Variants in CELF6 observed in about 807,000 individuals in gnomAD.
CELF6 encodes the protein CUGBP Elav-like family member 6.
A neutral mutation model predicts 53.1 loss-of-function variants in CELF6; 32 were observed. The ratio of observed to expected loss-of-function variants is 0.60; its 90% CI spans 0.46 to 0.81. CELF6 has a LOEUF of 0.81. Among genes scored for constraint, CELF6 ranks in the 30% least tolerant of loss-of-function variants. The pLI is 0.00. For synonymous variants in CELF6, 291 were observed against 288.8 expected, an observed-to-expected ratio of 1.01 and a Z score of -0.08; for missense variants, 539 against 669.5, an observed-to-expected ratio of 0.81 and a Z score of 2.15.
At chr15:72,307,421 C>G (rs1051289819) in intron 2 of CELF6, among the ~76,000 whole-genome samples, 1 of 152,176 alleles carries the variant, frequency 6.6e-6, no homozygotes, top group African/African-American at 2.4e-5. Flanking sequence ...GTATGGGGAT[C>G]CTCTCTTCAT....
chr15:72,308,702 T>TTTTA (rs1358408968), intron 2 of CELF6, among the ~76,000 whole-genome samples: 5 of 152,066 alleles, frequency 3.3e-5, no homozygotes, highest in Admixed American at 1.3e-4. Context: ...TTTTAAACAT[T>TTTTA]TTTATTTATT....
chr15:72,289,490 C>T lies in CELF6; in HGVS notation c.765G>A (p.Ala255=), dbSNP rs1446226563. Residue 255 remains alanine, a synonymous_variant, in exon 7 of 13, where the codon GCG becomes GCA. Coordinates refer to ENST00000287202, the MANE Select transcript of CELF6 (RefSeq NM_052840.5). The surrounding 1 kb of genome is among the most constrained non-coding windows in gnomAD (Gnocchi z 7.6). ...AYTTAILQHQ[A]ALLAAAQGPG... ...GGCCCTGTGCCGCCGCCAGCAGGGCCGCCTGGTGCTGCAGGATCTTTGAGA... is the reference window on the plus strand; with the variant it reads ...GGCCCTGTGCCGCCGCCAGCAGGGCTGCCTGGTGCTGCAGGATCTTTGAGA... 3 of 1,524,742 alleles carry T rather than the reference C, an allele frequency of 2.0e-6. No homozygotes were observed. Among genetic ancestry groups the T allele is most frequent in the Non-Finnish European group, 2.6e-6 (3 of 1,141,866 alleles). The allele number at this position is 1,524,742 out of a possible 1,614,324, so 94.5% of individuals were successfully genotyped here.
intron 2 of CELF6, among the ~76,000 whole-genome samples, chr15:72,309,767 TCCC>T (rs1339960538): frequency 1.3e-5 from 2 of 151,520 alleles, no homozygotes; most frequent in Non-Finnish European, 2.9e-5. Context: ...TAATCAGGAG[TCCC>T]CCTTGAGGAA....
intron 2 of CELF6, among the ~76,000 whole-genome samples, chr15:72,315,034 G>C (rs182603335): frequency 6.6e-6 from 1 of 151,820 alleles, no homozygotes. Flanking sequence ...CTTCATCCTC[G>C]TCTCTTTCTT....
In CELF6 at chr15:72,285,621, C is replaced by G. The variant is rs1466301853; in HGVS notation, c.*750G>C. The G allele has an allele frequency of 1.3e-5, 2 of 152,304 alleles. No homozygotes were observed. Among genetic ancestry groups the G allele is most frequent in the Non-Finnish European group, 2.9e-5 (2 of 68,088 alleles). The allele number at this position is 152,304 out of a possible 1,614,324, so 9.4% of individuals were successfully genotyped here. ...CCACTCTTGCTGGCTAGGGGGCCTC[C>G]CGGGATGGCAAAGGCCAGGGCCAAC... is the stretch of plus-strand genomic sequence containing the variant. On this transcript the variant is annotated 3_prime_UTR_variant, in exon 13 of 13. Coordinates refer to ENST00000287202, the MANE Select transcript of CELF6 (RefSeq NM_052840.5).
Position 72,288,522 on chromosome 15 carries a change from G to A in CELF6, c.1174+16C>T, listed in dbSNP as rs768614123. 5.6e-6 allele frequency: 9 copies of A among 1,611,586 alleles called. 1 individual carries two copies. The highest frequency in any genetic ancestry group is 5.5e-5 in the South Asian group (5 of 90,864). On this transcript the variant is annotated intron_variant, in intron 10 of 12. Coordinates refer to ENST00000287202, the MANE Select transcript of CELF6 (RefSeq NM_052840.5). This position sits in a 1 kb window ranked among gnomAD's most constrained non-coding sequence, Gnocchi z 4.6. ...CAGCCCCACCAGGTTCTGCTGTCCAGCCCCCAGTCCCTCACCTTCTCTCTG... is the reference window on the plus strand; with the variant it reads ...CAGCCCCACCAGGTTCTGCTGTCCAACCCCCAGTCCCTCACCTTCTCTCTG...
intron 3 of CELF6, among the ~76,000 whole-genome samples, chr15:72,298,461 T>C (rs1595779219): frequency 6.6e-6 from 1 of 152,338 alleles, no homozygotes; most frequent in East Asian, 1.9e-4. Context: ...CCTCAGAGAA[T>C]GTTTTAAGTT....
chr15:72,315,822 A>AC (rs1482895777), intron 2 of CELF6, 23 bp downstream of exon 2: 3 of 1,542,522 alleles, frequency 1.9e-6, no homozygotes, highest in East Asian at 2.3e-5. Flanking sequence ...GGTGATTCCC[A>AC]CCCCCCAACC....
intron 2 of CELF6, among the ~76,000 whole-genome samples, chr15:72,315,240 A>G (rs1308469620): frequency 6.6e-6 from 1 of 152,170 alleles, no homozygotes; most frequent in Non-Finnish European, 1.5e-5. Context: ...ATTCTGCCAT[A>G]TGGTCAGTAG....
intron 2 of CELF6, among the ~76,000 whole-genome samples, chr15:72,315,432 A>G (rs1434427230): frequency 2.6e-5 from 4 of 152,190 alleles, no homozygotes; most frequent in Non-Finnish European, 4.4e-5. Context: ...TTACAGGAAA[A>G]GGACTAGAGA....
At chr15:72,304,628 C>G (rs2088202049) in intron 3 of CELF6, 118 bp downstream of exon 3, 1 of 872,594 alleles carries the variant, frequency 1.1e-6, no homozygotes, top group Non-Finnish European at 1.9e-6. Flanking sequence ...CTCTGAGCCC[C>G]ACCTGTCCCC....
intron 11 of CELF6, among the ~76,000 whole-genome samples, chr15:72,287,960 C>A (rs368529716): frequency 2.6e-4 from 40 of 152,166 alleles, no homozygotes; most frequent in African/African-American, 9.6e-4. Context: ...GCCTCAGCCT[C>A]CTGAGTAGCT....
At chr15:72,300,952 A>G (rs936386184) in intron 3 of CELF6, among the ~76,000 whole-genome samples, 12 of 152,132 alleles carry the variant, frequency 7.9e-5, no homozygotes, top group African/African-American at 2.9e-4. Flanking sequence ...ATTTTTAAAA[A>G]TTGAATTAGT....
chr15:72,305,730 T>G (rs1010488164), intron 2 of CELF6, among the ~76,000 whole-genome samples: 2 of 152,134 alleles, frequency 1.3e-5, no homozygotes, highest in Non-Finnish European at 2.9e-5. Context: ...GACTTAGAGC[T>G]CTGTGTCTCC....
rs183268321 is a variant in CELF6 at position 72,304,032 on chromosome 15, G to A, written c.394+714C>T. Among the ~76,000 whole-genome samples the A allele has an allele frequency of 6.6e-5, 10 of 152,016 alleles. 1 individual carries two copies. The highest frequency in any genetic ancestry group is 2.1e-4 in the South Asian group (1 of 4,814). On this transcript the variant is annotated intron_variant, in intron 3 of 12. Transcript: ENST00000287202. ...ATTACAGGCATCCACTACCACACCC[G>A]GCTAATTTATCTATTTGTAGTAGAG...
chr15:72,301,397 T>C (rs1044652461), intron 3 of CELF6, among the ~76,000 whole-genome samples: 2 of 152,114 alleles, frequency 1.3e-5, no homozygotes, highest in African/African-American at 4.8e-5. Context: ...GGAAGAAAAA[T>C]CATGCATAAT....
chr15:72,289,083 CA>C lies in CELF6; in HGVS notation c.1030+54del. ...CCAGGGAAGCCAGGCCCTAACCCCC[CA>C]CCCCCCGCTCCCCACTCCATTTCGG... On this transcript the variant is annotated intron_variant, in intron 8 of 12. Coordinates refer to ENST00000287202, the MANE Select transcript of CELF6 (RefSeq NM_052840.5). This position sits in a 1 kb window ranked among gnomAD's most constrained non-coding sequence, Gnocchi z 7.6. 7.1e-7 allele frequency: 1 copy of C among 1,401,542 alleles called. No individual in the cohort carries two copies. The highest frequency in any genetic ancestry group is 9.5e-7 in the Non-Finnish European group (1 of 1,048,360). The allele number at this position is 1,401,542 out of a possible 1,614,324, so 86.8% of individuals were successfully genotyped here. A position where few individuals can be genotyped will look rare whatever the true frequency, so the allele number is the denominator to read the frequency against.
Position 72,319,551 on chromosome 15 carries a change from C to G in CELF6, c.262+62G>C. On this transcript the variant is annotated intron_variant, in intron 1 of 12. Coordinates refer to ENST00000287202, the MANE Select transcript of CELF6 (RefSeq NM_052840.5). This position sits in a 1 kb window ranked among gnomAD's most constrained non-coding sequence, Gnocchi z 5.0. ...CGGCAGGGCTAGGGCTGGGGCTGGG[C>G]TGGGGTCGGGCCACACTCTAATCGG... The G allele has an allele frequency of 7.1e-7, 1 of 1,418,184 alleles. No individual in the cohort carries two copies. Among genetic ancestry groups the G allele is most frequent in the Non-Finnish European group, 9.3e-7 (1 of 1,078,548 alleles). The allele number at this position is 1,418,184 out of a possible 1,614,324, so 87.9% of individuals were successfully genotyped here. A position where few individuals can be genotyped will look rare whatever the true frequency, so the allele number is the denominator to read the frequency against.
intron 3 of CELF6, among the ~76,000 whole-genome samples, chr15:72,301,936 C>T (rs976480912): frequency 2.0e-5 from 3 of 151,894 alleles, no homozygotes; most frequent in East Asian, 1.9e-4. Context: ...GGGGTTTCAC[C>T]GTGTTAACCA....
Sources: gnomAD v4.1 joint callset for allele counts (sites outside exome capture counted in the v4.1 genomes callset) on GRCh38, gnomAD v4.1.1 for gene constraint, Gnocchi (gnomAD v3.1) non-coding constraint, MANE v1.5 for transcripts, NCBI Gene and HGNC (gene_info 2026-07-23, HGNC 2026-07-21) for gene names.